SF1: variants seen among roughly 807,000 people sequenced by gnomAD.
The protein encoded by SF1 is branch point-binding protein.
In SF1, 7 loss-of-function variants were observed where a neutral mutation model predicts 62.5. The ratio of observed to expected loss-of-function variants is 0.11; its 90% CI spans 0.06 to 0.21. The LOEUF (loss-of-function observed/expected upper bound fraction) is 0.21. SF1 is among the 10% of genes least tolerant of loss of function. SF1 has a pLI of 1.00. For synonymous variants in SF1, 394 were observed against 323.6 expected, an observed-to-expected ratio of 1.22 and a Z score of -2.33; for missense variants, 578 against 884.0, an observed-to-expected ratio of 0.65 and a Z score of 4.39.
chr11:64,772,862 C>T (rs2135947235), intron 3 of SF1: 2 of 985,160 alleles, frequency 2.0e-6, no homozygotes, highest in African/African-American at 1.7e-5. Flanking sequence ...TGAGAATATT[C>T]TGGCCCCTCC....
At chr11:64,775,207 C>T (rs777149860) in intron 2 of SF1, among the ~76,000 whole-genome samples, 1 of 152,152 alleles carries the variant, frequency 6.6e-6, no homozygotes, top group Non-Finnish European at 1.5e-5. Context: ...TCATTCTCTT[C>T]TGTGGAGAAC....
At chr11:64,766,514 G>A in intron 12 of SF1, 1 of 443,704 alleles carries the variant, frequency 2.3e-6, no homozygotes, top group South Asian at 3.1e-5. Context: ...CCACTGCCCA[G>A]TCCCACCTCT....
intron 1 of SF1, chr11:64,777,505 C>T (rs1939499049): frequency 1.0e-6 from 1 of 985,448 alleles, no homozygotes; most frequent in East Asian, 1.1e-4. Context: ...CAACCTCTCC[C>T]GGATGAAAAC....
chr11:64,773,613 A>C (rs1434259549), intron 2 of SF1, 108 bp from the exon 3 acceptor site: 1 of 1,274,400 alleles, frequency 7.8e-7, no homozygotes, highest in Non-Finnish European at 1.1e-6. Flanking sequence ...GAGACTTTGA[A>C]AGGGACGACT....
chr11:64,775,487 T>C (rs1174301145), intron 2 of SF1, among the ~76,000 whole-genome samples: 1 of 152,146 alleles, frequency 6.6e-6, no homozygotes. Flanking sequence ...AGTAGTACTG[T>C]GAAAGGAGAC....
chr11:64,767,917 C>T, intron 9 of SF1, 73 bp from the exon 10 acceptor site: 1 of 1,562,830 alleles, frequency 6.4e-7, no homozygotes, highest in South Asian at 1.2e-5. Flanking sequence ...CGGGTTATGA[C>T]ACAGGACCAG....
Position 64,766,119 on chromosome 11 carries a change from G to A in SF1, c.1619C>T (p.Ser540Phe), listed in dbSNP as rs752540954. Residue 540 changes from serine to phenylalanine, a missense_variant, in exon 13 of 13, where the codon TCC becomes TTC. Transcript: ENST00000377390. ...TTTTTSAGTG[S>F]IPPWQQQQAA... ...CTGCTGCTGTTGCCATGGCGGGATGGACCCTGTGCCAGCGCTCGTGGTGGT... is the reference window on the plus strand; with the variant it reads ...CTGCTGCTGTTGCCATGGCGGGATGAACCCTGTGCCAGCGCTCGTGGTGGT... 1.9e-6 allele frequency: 3 copies of A among 1,609,526 alleles called. No homozygotes were observed. Among genetic ancestry groups the A allele is most frequent in the Non-Finnish European group, 1.7e-6 (2 of 1,179,758 alleles).
At position 64,766,072 on chromosome 11, in the gene SF1, C is replaced by T. The variant is rs1349662896; in HGVS notation, c.1666G>A (p.Gly556Arg). ...GGGTTGCCTTGCATCTGAGGGGCTC[C>T]TGGAGAAGCTGCGGCAGCCGCCTGC... ...QQQAAAAASP[G>R]APQMQGNPTM... The change falls in exon 13 of 13, where the codon GGA becomes AGA. Residue 556 changes from glycine (G) to arginine (R), a missense_variant. Physicochemically the swap from Gly to Arg is moderately radical, Grantham distance 125. This residue lies in a region of SF1 where 410 missense variants were observed against 452.4 expected (regional missense o/e 0.91). Transcript: ENST00000377390. 6.2e-7 allele frequency: 1 copy of T among 1,611,984 alleles called. No individual in the cohort carries two copies.
At position 64,765,401 on chromosome 11, in the gene SF1, G is replaced by A. The variant is rs1363297878; in HGVS notation, c.*417C>T. On this transcript the variant is annotated 3_prime_UTR_variant, in exon 13 of 13. Coordinates refer to ENST00000377390, the MANE Select transcript of SF1 (RefSeq NM_004630.4). The stretch of plus-strand genomic sequence containing the variant: ...CCACAAAAATAACTCAGGCTGCTTT[G>A]CCGAACCATCCTGTCCACCAGGGGC... 2.2e-6 allele frequency: 3 copies of A among 1,336,736 alleles called. No individual in the cohort carries two copies. Among genetic ancestry groups the A allele is most frequent in the African/African-American group, 2.9e-5 (2 of 69,004 alleles). 82.8% of individuals were successfully genotyped at this position (1,336,736 alleles called of 1,614,324 possible).
chr11:64,776,890 G>A (rs939571690), intron 1 of SF1, among the ~76,000 whole-genome samples: 4 of 152,134 alleles, frequency 2.6e-5, no homozygotes, highest in Non-Finnish European at 2.9e-5. Flanking sequence ...ATATATAAAC[G>A]TGGTAATCTT....
intron 2 of SF1, among the ~76,000 whole-genome samples, chr11:64,774,715 T>C (rs1938875558): frequency 6.6e-6 from 1 of 152,086 alleles, no homozygotes; most frequent in Non-Finnish European, 1.5e-5. Context: ...ATCCCAGTAC[T>C]TTGGGAGGCC....
intron 1 of SF1, chr11:64,777,793 T>G (rs1255454418): frequency 2.3e-5 from 7 of 298,620 alleles, no homozygotes; most frequent in South Asian, 1.6e-4. Context: ...CGCCCAGCCC[T>G]CCCCCCACAG....
chr11:64,770,194 CCAG>C, intron 4 of SF1, 59 bp downstream of exon 4: 4 of 1,586,566 alleles, frequency 2.5e-6, no homozygotes, highest in Middle Eastern at 1.9e-4. Flanking sequence ...CTGTCCCATC[CCAG>C]CAGGTCACCC....
At chr11:64,770,082 C>A in intron 4 of SF1, 29 bp from the exon 5 acceptor site, 2 of 1,596,822 alleles carry the variant, frequency 1.3e-6, no homozygotes, top group Non-Finnish European at 1.7e-6. Context: ...TGTCACCGCA[C>A]ATTTCTGGAG....
At chr11:64,768,031 C>T in intron 9 of SF1, 75 bp downstream of exon 9, 2 of 1,517,968 alleles carry the variant, frequency 1.3e-6, no homozygotes, top group South Asian at 2.5e-5. Flanking sequence ...CTACCCAAAC[C>T]ACGTGGCCAT....
rs765385020 is a variant in SF1 at position 64,767,216 on chromosome 11, C to T, written c.1378G>A (p.Val460Ile). 3.1e-6 allele frequency: 5 copies of T among 1,614,054 alleles called. No individual in the cohort carries two copies. The Admixed American group carries it at 5.0e-5, about 16-fold the overall frequency. The change falls in exon 11 of 13, where the codon GTC (valine) becomes ATC (isoleucine). Residue 460 changes from valine (V) to isoleucine (I), a missense_variant. Transcript: ENST00000377390. ...YLGSTPVGSGVYRLHQGKGMM... is the reference protein window; with the variant it reads ...YLGSTPVGSGIYRLHQGKGMM... ...CCTTTTCCTTGATGCAGGCGATAGA[C>T]CCCAGAGCCCACAGGCGTACTTCCC...
At chr11:64,766,853 C>T in intron 12 of SF1, 47 bp downstream of exon 12, 1 of 673,438 alleles carries the variant, frequency 1.5e-6, no homozygotes, top group South Asian at 2.3e-5. Context: ...CCTGTCAGCC[C>T]CACCCCCATC....
At chr11:64,772,667 T>C (rs1019757033) in intron 3 of SF1, 1 of 985,466 alleles carries the variant, frequency 1.0e-6, no homozygotes, top group Non-Finnish European at 1.2e-6. Flanking sequence ...TGACCAATTT[T>C]AGCTGTTCAA....
chr11:64,774,727 A>G (rs1458404586), intron 2 of SF1, among the ~76,000 whole-genome samples: 1 of 152,196 alleles, frequency 6.6e-6, no homozygotes, highest in African/African-American at 2.4e-5. Context: ...TGGGAGGCCA[A>G]GGCAGGCAGA....
Sources: allele counts gnomAD v4.1 joint callset (sites outside exome capture counted in the v4.1 genomes callset), GRCh38; gene constraint gnomAD v4.1.1; regional missense constraint gnomAD v4.1.1; transcripts MANE v1.5; gene names NCBI Gene and HGNC (gene_info 2026-07-23, HGNC 2026-07-21).